ZGPAT: variants seen among roughly 807,000 people sequenced by gnomAD.
ZGPAT encodes zinc finger CCCH-type with G patch domain-containing protein.
ZGPAT carries 39 observed loss-of-function variants against 47.9 expected under a neutral mutation model. That is an observed-to-expected ratio of 0.81 (90% CI 0.63 to 1.06). The LOEUF (loss-of-function observed/expected upper bound fraction) is 1.06, where lower values mean the gene tolerates loss of function less well. Among genes scored for constraint, ZGPAT ranks in the 50% least tolerant of loss-of-function variants. ZGPAT has a pLI of 0.00. For missense variants in ZGPAT, 717 were observed against 681.4 expected (o/e 1.05, Z -0.58); for synonymous variants, 348 against 292.9 (o/e 1.19, Z -1.92).
chr20:63,733,294 C>A lies in ZGPAT; in HGVS notation c.660C>A (p.Ala220=). The A allele has an allele frequency of 6.2e-7, 1 of 1,613,592 alleles. No homozygotes were observed. The highest frequency in any genetic ancestry group is 2.2e-5 in the East Asian group (1 of 44,880). Reference sequence around the variant, plus strand: ...ACCCAGACCTGAGCTCCCTGCAGGCCGGCTCTGCGTGTCTGGCCAAGCACC... The same window carrying A: ...ACCCAGACCTGAGCTCCCTGCAGGCAGGCTCTGCGTGTCTGGCCAAGCACC... The part of the protein sequence containing the change: ...FQDPDLSSLQ[A]GSACLAKHQD... The change falls in exon 3 of 7, where the codon GCC becomes GCA. Residue 220 remains alanine (A), a synonymous_variant. Coordinates refer to ENST00000355969, the MANE Select transcript of ZGPAT (RefSeq NM_181485.3).
intron 2 of ZGPAT, among the ~76,000 whole-genome samples, chr20:63,733,008 ATGTG>A (rs751961713): frequency 1.5e-4 from 22 of 143,528 alleles, no homozygotes; most frequent in East Asian, 4.0e-4. Flanking sequence ...GTATATGTGC[ATGTG>A]TGTATGTGTG....
At chr20:63,723,063 A>G (rs2091804666) in intron 2 of ZGPAT, among the ~76,000 whole-genome samples, 1 of 151,236 alleles carries the variant, frequency 6.6e-6, no homozygotes, top group Non-Finnish European at 1.5e-5. Context: ...TCCTCCTATG[A>G]CGTCCTCCCT....
intron 2 of ZGPAT, among the ~76,000 whole-genome samples, chr20:63,719,276 A>G (rs1422193608): frequency 7.9e-5 from 12 of 152,096 alleles, no homozygotes; most frequent in Admixed American, 7.9e-4. Context: ...AGTTCATTGG[A>G]CTTCTTGGAT....
intron 2 of ZGPAT, among the ~76,000 whole-genome samples, chr20:63,725,593 G>A (rs1231773102): frequency 6.6e-6 from 1 of 151,334 alleles, no homozygotes; most frequent in Non-Finnish European, 1.5e-5. Context: ...CTCTTGGTGT[G>A]CATCGTATTT....
chr20:63,734,196 G>A (rs1568802412), intron 4 of ZGPAT: 4 of 270,928 alleles, frequency 1.5e-5, no homozygotes, highest in Non-Finnish European at 2.1e-5. Flanking sequence ...CTCCAGAGGG[G>A]TGTGTGTATG....
At position 63,733,678 on chromosome 20, in the gene ZGPAT, C is replaced by G. The variant is rs2091946221; in HGVS notation, c.810C>G (p.Arg270=). The change falls in exon 4 of 7, where the codon CGC becomes CGG. Residue 270 remains arginine, a synonymous_variant. Transcript: ENST00000355969. The part of the protein sequence containing the change: ...VEGDGILPPL[R]TEATESDSDS... ...GGGACGGCATCCTGCCCCCACTGCGCACAGAGGCCACAGAGTCCGACTCAG... is the reference window on the plus strand; with the variant it reads ...GGGACGGCATCCTGCCCCCACTGCGGACAGAGGCCACAGAGTCCGACTCAG... 6.2e-7 allele frequency: 1 copy of G among 1,613,808 alleles called. No individual in the cohort carries two copies. The highest frequency in any genetic ancestry group is 8.5e-7 in the Non-Finnish European group (1 of 1,180,016).
At chr20:63,719,052 C>T (rs1035354003) in intron 2 of ZGPAT, among the ~76,000 whole-genome samples, 7 of 116,044 alleles carry the variant, frequency 6.0e-5, no homozygotes, top group Non-Finnish European at 1.2e-4. Context: ...GGCAACAGTG[C>T]GAGACTCCAT....
chr20:63,715,269 T>C (rs2091715144), intron 2 of ZGPAT, among the ~76,000 whole-genome samples: 1 of 143,228 alleles, frequency 7.0e-6, no homozygotes, highest in South Asian at 2.2e-4. Context: ...TGAGACAGAG[T>C]CTCACTCTGT....
chr20:63,715,300 C>T (rs181534425), intron 2 of ZGPAT, among the ~76,000 whole-genome samples: 28 of 145,960 alleles, frequency 1.9e-4, no homozygotes, highest in Admixed American at 5.0e-4. Context: ...GAGTGAGTGG[C>T]GCGATCTCGG....
At chr20:63,729,297 T>A (rs1270820350) in intron 2 of ZGPAT, among the ~76,000 whole-genome samples, 1 of 152,224 alleles carries the variant, frequency 6.6e-6, no homozygotes, top group African/African-American at 2.4e-5. Context: ...CCCAAAGTGC[T>A]GGGATTACAG....
chr20:63,711,004 A>C (rs1779450669), intron 2 of ZGPAT, among the ~76,000 whole-genome samples: 1 of 149,432 alleles, frequency 6.7e-6, no homozygotes, highest in South Asian at 2.1e-4. Context: ...CCCTAGTTCT[A>C]GTTCTAGTTC....
intron 2 of ZGPAT, among the ~76,000 whole-genome samples, chr20:63,717,502 T>C (rs976289420): frequency 6.6e-6 from 1 of 152,112 alleles, no homozygotes; most frequent in Non-Finnish European, 1.5e-5. Flanking sequence ...TGTTTCTTTT[T>C]GAATGTAAGC....
intron 2 of ZGPAT, among the ~76,000 whole-genome samples, chr20:63,732,674 C>T (rs1277020348): frequency 4.5e-5 from 3 of 66,982 alleles, no homozygotes; most frequent in South Asian, 4.6e-4. Context: ...GTGTATATGC[C>T]TGTGTGCATG....
chr20:63,724,029 G>C (rs933773924), intron 2 of ZGPAT, among the ~76,000 whole-genome samples: 3 of 152,136 alleles, frequency 2.0e-5, no homozygotes, highest in African/African-American at 7.2e-5. Flanking sequence ...GCAGTGAGCT[G>C]AGATTGTGCC....
At chr20:63,718,982 C>T (rs550833163) in intron 2 of ZGPAT, among the ~76,000 whole-genome samples, 45 of 151,436 alleles carry the variant, frequency 3.0e-4, no homozygotes, top group East Asian at 1.4e-3. Context: ...AGGAGAATGG[C>T]GTGAACCCGG....
chr20:63,735,933 A>G lies in ZGPAT; in HGVS notation c.*14A>G. ...ACTGAGTTCTAGAGACCCCACAAGC[A>G]CTATGGACGAAGCGTGGGACCCCAG... is the stretch of plus-strand genomic sequence containing the variant. On this transcript the variant is annotated 3_prime_UTR_variant, in exon 7 of 7. Transcript: ENST00000355969. 1.2e-6 allele frequency: 2 copies of G among 1,604,002 alleles called. No homozygotes were observed. The highest frequency in any genetic ancestry group is 1.3e-5 in the African/African-American group (1 of 74,776).
chr20:63,731,892 A>G (rs145151506), intron 2 of ZGPAT, among the ~76,000 whole-genome samples: 43 of 152,366 alleles, frequency 2.8e-4, no homozygotes, highest in Non-Finnish European at 4.1e-4. Context: ...AGGTACTGCA[A>G]GTAATCTAGG....
At chr20:63,709,798 C>A (rs1195812025) in intron 2 of ZGPAT, among the ~76,000 whole-genome samples, 1 of 151,932 alleles carries the variant, frequency 6.6e-6, no homozygotes, top group Non-Finnish European at 1.5e-5. Context: ...CCTGCCTCAG[C>A]CCCCCTAGGA....
At chr20:63,718,731 C>G (rs1207372183) in intron 2 of ZGPAT, among the ~76,000 whole-genome samples, 3 of 151,744 alleles carry the variant, frequency 2.0e-5, no homozygotes, top group African/African-American at 7.3e-5. Context: ...GCTGAGATTA[C>G]AGGTGTGAGT....
Sources: gnomAD v4.1 joint callset for allele counts (sites outside exome capture counted in the v4.1 genomes callset) on GRCh38, gnomAD v4.1.1 for gene constraint, MANE v1.5 for transcripts, NCBI Gene and HGNC (gene_info 2026-07-23, HGNC 2026-07-21) for gene names.